RNF17: variants seen among roughly 807,000 people sequenced by gnomAD.
RNF17 encodes the protein spermatogenesis associated 23.
In RNF17, 31 loss-of-function variants were observed where a neutral mutation model predicts 200.5. The observed-to-expected ratio is 0.15, with a 90% CI of 0.12 to 0.21. The LOEUF is 0.21. RNF17 is among the 10% of genes least tolerant of loss of function. RNF17 has a pLI of 1.00. For synonymous variants in RNF17, 606 were observed against 637.8 expected, an observed-to-expected ratio of 0.95 and a Z score of 0.75; for missense variants, 1,628 against 1,905.1, an observed-to-expected ratio of 0.85 and a Z score of 2.71.
At position 24,831,994 on chromosome 13, in the gene RNF17, A is replaced by C; in HGVS notation, c.2482+16A>C. ...TCAGTTATCAGTAAGTTCCATTTTT[A>C]CTTGTTATGTAATCACATATAATTT... On this transcript the variant is annotated intron_variant, in intron 18 of 35. Transcript: ENST00000255324. 6.7e-7 allele frequency: 1 copy of C among 1,498,824 alleles called. No individual in the cohort carries two copies. The highest frequency in any genetic ancestry group is 9.1e-7 in the Non-Finnish European group (1 of 1,099,206). 92.8% of individuals were successfully genotyped at this position (1,498,824 alleles called of 1,614,324 possible).
intron 18 of RNF17, among the ~76,000 whole-genome samples, chr13:24,841,164 TACACTC>T (rs915342930): frequency 5.3e-5 from 8 of 152,224 alleles, no homozygotes; most frequent in African/African-American, 1.9e-4. Flanking sequence ...AAGCCTTACT[TACACTC>T]AGTTAACTCC....
the RNF17 span, chr13:24,751,559 G>GA: frequency 6.6e-6 from 1 of 151,984 alleles, no homozygotes; most frequent in Non-Finnish European, 1.5e-5. Context: ...TTTTTTATAT[G>GA]AAGGTTCAAG....
At chr13:24,775,549 C>G (rs1363184855) in intron 3 of RNF17, among the ~76,000 whole-genome samples, 1 of 152,192 alleles carries the variant, frequency 6.6e-6, no homozygotes, top group Non-Finnish European at 1.5e-5. Context: ...CTGCACCCAG[C>G]TTCTCTTGAT....
At chr13:24,810,597 T>A (rs1240588527) in intron 15 of RNF17, among the ~76,000 whole-genome samples, 2 of 146,876 alleles carry the variant, frequency 1.4e-5, no homozygotes, top group Admixed American at 1.3e-4. Context: ...CTTTATCCAG[T>A]TTGCCAGTCT....
intron 15 of RNF17, among the ~76,000 whole-genome samples, chr13:24,815,303 C>T (rs970715886): frequency 6.6e-6 from 1 of 152,004 alleles, no homozygotes; most frequent in African/African-American, 2.4e-5. Context: ...TTGTTGTAAA[C>T]GGAATTGCTT....
At chr13:24,843,605 C>A (rs1890918331) in intron 19 of RNF17, 139 bp from the exon 20 acceptor site, 9 of 646,372 alleles carry the variant, frequency 1.4e-5, no homozygotes, top group Non-Finnish European at 1.9e-5. Flanking sequence ...AGTAAAAAGT[C>A]ACCTGTTTTA....
intron 22 of RNF17, among the ~76,000 whole-genome samples, chr13:24,849,353 CACAGCCCACAGGCCACAT>C (rs1827515258): frequency 6.6e-6 from 1 of 152,200 alleles, no homozygotes; most frequent in African/African-American, 2.4e-5. Context: ...TTGTCCAACC[CACAGCCCACAGGCCACAT>C]GCAGCCCAGG....
chr13:24,824,553 A>T (rs1303521854), intron 15 of RNF17, among the ~76,000 whole-genome samples: 1 of 152,100 alleles, frequency 6.6e-6, no homozygotes, highest in Non-Finnish European at 1.5e-5. Context: ...ATAATCCTTG[A>T]TTTTTTTGGT....
chr13:24,887,754 A>G, the RNF17 span, among the ~76,000 whole-genome samples: 15 of 152,354 alleles, frequency 9.8e-5, no homozygotes, highest in Admixed American at 3.3e-4. Context: ...CAGTCCATGG[A>G]AAAATTGTCT....
chr13:24,832,353 G>GT lies in RNF17; in HGVS notation c.2482+381dup, dbSNP rs1325299556. ...GATTGGTAAACAGCTTTTCCTTGCT[G>GT]TTTTTTGTCTCACTGGCTTAAACAA... On this transcript the variant is annotated intron_variant, in intron 18 of 35. Coordinates refer to ENST00000255324, the MANE Select transcript of RNF17 (RefSeq NM_031277.3). 5.3e-5 allele frequency among the ~76,000 whole-genome samples: 8 copies of GT among 150,634 alleles called. No individual in the cohort carries two copies. In the Admixed American group the frequency reaches 5.3e-4, roughly 10 times the overall value.
At chr13:24,813,531 A>G (rs1887009116) in intron 15 of RNF17, among the ~76,000 whole-genome samples, 1 of 152,150 alleles carries the variant, frequency 6.6e-6, no homozygotes, top group Non-Finnish European at 1.5e-5. Context: ...TAGATACTAA[A>G]TTCTTATGAG....
At chr13:24,884,200 C>T, downstream of RNF17, 1 of 1,614,178 alleles carries the variant, frequency 6.2e-7, no homozygotes, top group Non-Finnish European at 8.5e-7. Context: ...TCCAGTCCCT[C>T]CGGGTATGTC....
At chr13:24,881,500 CTGAGA>C (rs912054743), downstream of RNF17, among the ~76,000 whole-genome samples, 2 of 151,840 alleles carry the variant, frequency 1.3e-5, no homozygotes, top group East Asian at 2.0e-4. Flanking sequence ...CTTACCTCTC[CTGAGA>C]TATCTCTAGA....
chr13:24,835,839 A>C (rs190560813), intron 18 of RNF17, among the ~76,000 whole-genome samples: 12 of 152,362 alleles, frequency 7.9e-5, no homozygotes, highest in Admixed American at 7.2e-4. Flanking sequence ...GATTTACCTG[A>C]AAAATAATTC....
At chr13:24,823,086 GA>G (rs569675285) in intron 15 of RNF17, among the ~76,000 whole-genome samples, 1 of 150,022 alleles carries the variant, frequency 6.7e-6, no homozygotes, top group Non-Finnish European at 1.5e-5. Context: ...TTTTTTAAAA[GA>G]AAAAAAAACG....
chr13:24,817,266 T>C (rs934452531), intron 15 of RNF17, among the ~76,000 whole-genome samples: 2 of 152,188 alleles, frequency 1.3e-5, no homozygotes, highest in Admixed American at 6.5e-5. Flanking sequence ...GTAGGAGGTT[T>C]TTGAATCCTG....
chr13:24,768,446 G>A (rs552311170), intron 2 of RNF17, among the ~76,000 whole-genome samples: 47 of 151,986 alleles, frequency 3.1e-4, no homozygotes, highest in Admixed American at 1.2e-3. Context: ...CACCACGCCC[G>A]ACTAATTTTT....
downstream of RNF17, among the ~76,000 whole-genome samples, chr13:24,882,089 T>G (rs1367445920): frequency 9.3e-3 from 35 of 3,750 alleles, no homozygotes; most frequent in South Asian, 0.04. Context: ...GATACATCTA[T>G]ATATATAGAT....
At chr13:24,885,484 C>T in the RNF17 span, 1 of 1,181,448 alleles carries the variant, frequency 8.5e-7, no homozygotes, top group Non-Finnish European at 1.3e-6. Flanking sequence ...CAAAATATAA[C>T]ATTTATAATG....
Sources: gnomAD v4.1 joint callset for allele counts (sites outside exome capture counted in the v4.1 genomes callset) on GRCh38, gnomAD v4.1.1 for gene constraint, MANE v1.5 for transcripts, NCBI Gene and HGNC (gene_info 2026-07-23, HGNC 2026-07-21) for gene names.